Variants in DCAF12 observed in about 807,000 individuals in gnomAD.
DCAF12 encodes DDB1 and CUL4 associated factor 12.
DCAF12 carries 28 observed loss-of-function variants against 52.8 expected under a neutral mutation model. That is an observed-to-expected ratio of 0.53 (90% confidence interval 0.39 to 0.73). The LOEUF is 0.73. Among genes scored for constraint, DCAF12 ranks in the 30% least tolerant of loss-of-function variants. The pLI, the probability that DCAF12 is intolerant of heterozygous loss-of-function variation, is 0.00. For missense variants in DCAF12, 425 were observed against 552.2 expected (o/e 0.77, Z 2.31); for synonymous variants, 196 against 215.5 (o/e 0.91, Z 0.79).
chr9:34,088,703 C>T (rs11793082), intron 8 of DCAF12, among the ~76,000 whole-genome samples, 195 bp from the exon 9 acceptor site: 46,382 of 152,014 alleles, frequency 0.31, 7,562 homozygotes, highest in Non-Finnish European at 0.36. Flanking sequence ...TAGAGAAGAA[C>T]GGAGCAGCTG....
At chr9:34,114,925 C>T (rs1829061341) in intron 2 of DCAF12, among the ~76,000 whole-genome samples, 1 of 151,946 alleles carries the variant, frequency 6.6e-6, no homozygotes, top group Admixed American at 6.6e-5. Context: ...TATAATTGTG[C>T]CATTACCCTC....
Position 34,125,115 on chromosome 9 carries a change from C to G in DCAF12, c.241G>C (p.Glu81Gln). Reference protein sequence around the residue: ...AAQQLPSLLKEREFHLGTLNK... With the variant: ...AAQQLPSLLKQREFHLGTLNK... The stretch of plus-strand genomic sequence containing the variant: ...AGGGTCCCAAGGTGAAACTCTCTCT[C>G]CTTCAGGAGACTGGGAAGTTGCTGT... The change falls in exon 2 of 9, where the codon GAG becomes CAG. Residue 81 changes from glutamate (E) to glutamine (Q), a missense_variant. Transcript: ENST00000361264. 3.1e-6 allele frequency: 5 copies of G among 1,614,144 alleles called. No individual in the cohort carries two copies. Among genetic ancestry groups the G allele is most frequent in the Non-Finnish European group, 3.4e-6 (4 of 1,180,028 alleles).
intron 2 of DCAF12, chr9:34,109,745 A>G: frequency 3.6e-6 from 1 of 279,746 alleles, no homozygotes; most frequent in Non-Finnish European, 7.3e-6. Flanking sequence ...CTGGCCCTGG[A>G]AGCTCAGGCA....
At chr9:34,119,976 G>A (rs1418308564) in intron 2 of DCAF12, among the ~76,000 whole-genome samples, 3 of 151,638 alleles carry the variant, frequency 2.0e-5, no homozygotes, top group African/African-American at 4.8e-5. Context: ...CAAAGTGCTG[G>A]ATTACAGTCA....
chr9:34,102,173 C>T (rs994438161), intron 4 of DCAF12, among the ~76,000 whole-genome samples: 1 of 151,566 alleles, frequency 6.6e-6, no homozygotes, highest in African/African-American at 2.4e-5. Flanking sequence ...CCTGTGGTAC[C>T]AGCTACCCGG....
rs112581999 is a variant in DCAF12 at position 34,092,709 on chromosome 9, A to C, written c.1024+577T>G. Among the ~76,000 whole-genome samples, 497 of 150,354 alleles carry C rather than the reference A, an allele frequency of 3.3e-3. 4 individuals are homozygous for C. Among genetic ancestry groups the C allele is most frequent in the Non-Finnish European group, 3.4e-3 (229 of 67,970 alleles). On this transcript the variant is annotated intron_variant, in intron 7 of 8. Transcript: ENST00000361264. ...CAAAAAAAAAAAACAACAACAACAA[A>C]AAAAAAGTAGAGCTTTCTAAAAGAA...
In DCAF12 at chr9:34,091,849, TTTG is replaced by T. The variant is rs574303210; in HGVS notation, c.1024+1434_1024+1436del. 3.3e-3 allele frequency among the ~76,000 whole-genome samples: 500 copies of T among 152,114 alleles called. 3 individuals carry two copies. Among genetic ancestry groups the T allele is most frequent in the South Asian group, 6.0e-3 (29 of 4,812 alleles). On this transcript the variant is annotated intron_variant, in intron 7 of 8. Transcript: ENST00000361264. ...ATAAAGTGAGATAAAGAAAATACAA[TTTG>T]TTAAGTTGGATTCTGGTCCCTAGCT...
At chr9:34,120,441 C>T (rs548690453) in intron 2 of DCAF12, among the ~76,000 whole-genome samples, 6 of 151,540 alleles carry the variant, frequency 4.0e-5, no homozygotes, top group South Asian at 2.1e-4. Context: ...GAGGCTGAGG[C>T]GGGCAGATTA....
At chr9:34,109,005 G>GTT (rs373695590) in intron 2 of DCAF12, among the ~76,000 whole-genome samples, 4 of 137,692 alleles carry the variant, frequency 2.9e-5, no homozygotes, top group African/African-American at 1.1e-4. Flanking sequence ...TATATATATG[G>GTT]TTTTTTTTTT....
chr9:34,108,980 GTTTTTATATATATATATATATAT>G (rs1828952680), intron 2 of DCAF12, among the ~76,000 whole-genome samples: 1 of 47,816 alleles, frequency 2.1e-5, no homozygotes, highest in South Asian at 2.1e-3. Flanking sequence ...TTATGTATAT[GTTTTTATATATATATATATATAT>G]GGTTTTTTTT....
intron 7 of DCAF12, among the ~76,000 whole-genome samples, chr9:34,091,661 A>C (rs540915529): frequency 2.7e-4 from 40 of 148,560 alleles, no homozygotes; most frequent in East Asian, 2.2e-3. Context: ...AAAAAAAAAA[A>C]CCACAAAAAA....
chr9:34,107,619 AGG>A (rs1828925353), intron 2 of DCAF12, 54 bp from the exon 3 acceptor site: 1 of 1,479,860 alleles, frequency 6.8e-7, no homozygotes, highest in African/African-American at 1.4e-5. Context: ...TGGCCAATAC[AGG>A]GTATAAACAT....
intron 2 of DCAF12, among the ~76,000 whole-genome samples, chr9:34,120,093 C>T (rs1025964492): frequency 8.0e-5 from 12 of 149,098 alleles, no homozygotes; most frequent in African/African-American, 3.0e-4. Flanking sequence ...ATCCCAGCTA[C>T]TCAAGAGGCT....
intron 2 of DCAF12, among the ~76,000 whole-genome samples, chr9:34,123,492 C>G (rs1829205066): frequency 6.6e-6 from 1 of 152,142 alleles, no homozygotes. Context: ...CAGAGAAGAG[C>G]ACTATTCCTA....
intron 4 of DCAF12, among the ~76,000 whole-genome samples, chr9:34,105,905 C>T (rs1336468807): frequency 6.6e-6 from 1 of 151,864 alleles, no homozygotes; most frequent in Non-Finnish European, 1.5e-5. Flanking sequence ...CCCACGACCA[C>T]ACTCAGCTAA....
At chr9:34,118,715 G>C (rs1440447177) in intron 2 of DCAF12, among the ~76,000 whole-genome samples, 1 of 152,110 alleles carries the variant, frequency 6.6e-6, no homozygotes, top group Admixed American at 6.6e-5. Context: ...TATAATCCCA[G>C]CTCTTTGGGA....
chr9:34,109,126 A>G (rs1416890083), intron 2 of DCAF12: 1 of 152,036 alleles, frequency 6.6e-6, no homozygotes, highest in African/African-American at 2.4e-5. Context: ...ATGGGTGAAT[A>G]AAAAGTTCAC....
intron 2 of DCAF12, among the ~76,000 whole-genome samples, chr9:34,115,105 C>T (rs1241874375): frequency 6.6e-6 from 1 of 152,058 alleles, no homozygotes; most frequent in Non-Finnish European, 1.5e-5. Context: ...ACAAGACACA[C>T]TATGTTGCAG....
intron 4 of DCAF12, 70 bp downstream of exon 4, chr9:34,106,364 C>A: frequency 7.4e-7 from 1 of 1,350,180 alleles, no homozygotes; most frequent in Non-Finnish European, 1.0e-6. Flanking sequence ...TATCACACTA[C>A]TATCCCTTTT....
Sources: allele counts gnomAD v4.1 joint callset (sites outside exome capture counted in the v4.1 genomes callset), GRCh38; gene constraint gnomAD v4.1.1; transcripts MANE v1.5; gene names NCBI Gene and HGNC (gene_info 2026-07-23, HGNC 2026-07-21).